The following ATP6V1E1 variants were observed in gnomAD, a reference collection of about 807,000 sequenced individuals.
ATP6V1E1 encodes V-type proton ATPase subunit E 1.
A neutral mutation model predicts 35.2 loss-of-function variants in ATP6V1E1; 21 were observed. That is an observed-to-expected ratio of 0.60 (90% CI 0.42 to 0.86). The LOEUF (loss-of-function observed/expected upper bound fraction) is 0.86, where lower values mean the gene tolerates loss of function less well. Among genes scored for constraint, ATP6V1E1 ranks in the 40% least tolerant of loss-of-function variants. The pLI is 0.00. For synonymous variants in ATP6V1E1, 83 were observed against 87.8 expected, an observed-to-expected ratio of 0.95 and a Z score of 0.30; for missense variants, 183 against 272.6, an observed-to-expected ratio of 0.67 and a Z score of 2.32.
chr22:17,610,500 C>G (rs1158563700), intron 4 of ATP6V1E1, among the ~76,000 whole-genome samples: 1 of 140,718 alleles, frequency 7.1e-6, no homozygotes, highest in African/African-American at 2.7e-5. Flanking sequence ...TATTAACCTT[C>G]AAAAAGGTGG....
At chr22:17,608,671 TCCCACCTTGGC>T (rs941581885) in intron 4 of ATP6V1E1, among the ~76,000 whole-genome samples, 4 of 152,208 alleles carry the variant, frequency 2.6e-5, no homozygotes, top group African/African-American at 9.6e-5. Context: ...CAAGCCACAC[TCCCACCTTGGC>T]CTCATAAAGT....
chr22:17,619,342 G>T, intron 2 of ATP6V1E1, 119 bp downstream of exon 2: 1 of 895,168 alleles, frequency 1.1e-6, no homozygotes, highest in Non-Finnish European at 1.7e-6. Context: ...GGAAGGAAGA[G>T]ACATTTTTAT....
chr22:17,608,051 T>A (rs2057795020), intron 4 of ATP6V1E1, among the ~76,000 whole-genome samples: 1 of 152,192 alleles, frequency 6.6e-6, no homozygotes, highest in African/African-American at 2.4e-5. Flanking sequence ...CTGTATCCTA[T>A]CCCATGACTA....
In ATP6V1E1 at chr22:17,607,373, A is replaced by C. The variant is rs138193265; in HGVS notation, c.276+5439T>G. On this transcript the variant is annotated intron_variant, in intron 4 of 8. Transcript: ENST00000253413. ...GGGTTTCACCATGTTTGCCAGGATG[A>C]TCTCGATCTCCTGACCTCACGATCT... Among the ~76,000 whole-genome samples, 293 of 151,940 alleles carry C rather than the reference A, an allele frequency of 1.9e-3. 1 individual carries two copies. Among genetic ancestry groups the C allele is most frequent in the African/African-American group, 5.9e-3 (245 of 41,446 alleles).
chr22:17,598,424 A>G (rs925434159), intron 6 of ATP6V1E1, 136 bp from the exon 7 acceptor site: 6 of 675,374 alleles, frequency 8.9e-6, no homozygotes, highest in Non-Finnish European at 1.5e-5. Flanking sequence ...GTGGGAATGT[A>G]AAACGGCACG....
chr22:17,608,885 G>A (rs540577848), intron 4 of ATP6V1E1, among the ~76,000 whole-genome samples: 1 of 152,254 alleles, frequency 6.6e-6, no homozygotes, highest in South Asian at 2.1e-4. Context: ...AGGAAATCGA[G>A]ACCATCCTGG....
At chr22:17,628,506 C>T (rs1006076472) in intron 1 of ATP6V1E1, 97 bp downstream of exon 1, 1 of 1,538,884 alleles carries the variant, frequency 6.5e-7, no homozygotes, top group African/African-American at 1.4e-5. Flanking sequence ...CCTGCGGCAT[C>T]TGGGCGGCTC....
intron 2 of ATP6V1E1, among the ~76,000 whole-genome samples, chr22:17,614,264 C>T (rs1285139176): frequency 2.0e-5 from 3 of 150,404 alleles, no homozygotes; most frequent in Non-Finnish European, 3.0e-5. Context: ...GGAGGAGAAT[C>T]GCTTGAACCT....
In ATP6V1E1 at chr22:17,628,713, G is replaced by A. The variant is rs8139009; in HGVS notation, c.-78C>T. The stretch of plus-strand genomic sequence containing the variant: ...GGTGAGGTGAGAGAAATCGGCAAAG[G>A]GAACCCCTGCGCAGATCTCGGGTTC... On this transcript the variant is annotated 5_prime_UTR_variant, in exon 1 of 9. Coordinates refer to ENST00000253413, the MANE Select transcript of ATP6V1E1 (RefSeq NM_001696.4). 7 of 1,589,682 alleles carry A rather than the reference G, an allele frequency of 4.4e-6. No individual in the cohort carries two copies. The East Asian group carries it at 6.7e-5, about 15-fold the overall frequency.
chr22:17,599,638 G>A (rs527557913), intron 6 of ATP6V1E1, among the ~76,000 whole-genome samples: 36 of 148,552 alleles, frequency 2.4e-4, no homozygotes, highest in African/African-American at 4.7e-4. Flanking sequence ...GGGTTTTTAC[G>A]GCCAGGCGCG....
At chr22:17,603,545 G>A (rs974437107) in intron 4 of ATP6V1E1, among the ~76,000 whole-genome samples, 13 of 151,770 alleles carry the variant, frequency 8.6e-5, no homozygotes, top group African/African-American at 3.1e-4. Flanking sequence ...CATGTGCAGT[G>A]GCTCACACCT....
intron 7 of ATP6V1E1, chr22:17,595,206 C>G (rs1337196255): frequency 6.6e-6 from 1 of 152,204 alleles, no homozygotes; most frequent in African/African-American, 2.4e-5. Context: ...TGCCATCACG[C>G]CTGGCTAATT....
rs1224920356 is a variant in ATP6V1E1, at chr22:17,608,112, C to T, written c.276+4700G>A. Among the ~76,000 whole-genome samples the T allele has an allele frequency of 2.6e-5, 4 of 152,160 alleles. No individual in the cohort carries two copies. In the East Asian group the frequency reaches 5.8e-4, roughly 22 times the overall value. ...TGTAGTGGAGATGTATTATCTTGTC[C>T]AGGTCCTATTAGACTGCAGACTCCT... On this transcript the variant is annotated intron_variant, in intron 4 of 8. Transcript: ENST00000253413.
intron 6 of ATP6V1E1, among the ~76,000 whole-genome samples, chr22:17,599,158 G>A (rs568669329): frequency 6.6e-6 from 1 of 152,180 alleles, no homozygotes; most frequent in Admixed American, 6.5e-5. Flanking sequence ...TGAGCACAAA[G>A]TTTCAGTACG....
chr22:17,621,346 G>C (rs2057876456), intron 1 of ATP6V1E1, among the ~76,000 whole-genome samples: 1 of 152,192 alleles, frequency 6.6e-6, no homozygotes, highest in South Asian at 2.1e-4. Context: ...CAGGGTCTCT[G>C]TCTCCCAGGC....
chr22:17,624,002 G>A (rs535763684), intron 1 of ATP6V1E1, among the ~76,000 whole-genome samples: 1 of 152,232 alleles, frequency 6.6e-6, no homozygotes, highest in Non-Finnish European at 1.5e-5. Context: ...CAGTAATTAA[G>A]GTTTTTAGAG....
intron 1 of ATP6V1E1, among the ~76,000 whole-genome samples, chr22:17,628,300 T>C (rs1416844772): frequency 6.6e-6 from 1 of 152,188 alleles, no homozygotes; most frequent in African/African-American, 2.4e-5. Flanking sequence ...CAGATCTCTG[T>C]CCGACTAGGC....
chr22:17,626,168 G>A (rs999713486), intron 1 of ATP6V1E1, among the ~76,000 whole-genome samples: 5 of 151,822 alleles, frequency 3.3e-5, no homozygotes, highest in East Asian at 2.0e-4. Flanking sequence ...TTAGCCAGGC[G>A]TGGTGGCGGG....
At chr22:17,596,025 G>A (rs535890522) in intron 7 of ATP6V1E1, among the ~76,000 whole-genome samples, 3 of 152,110 alleles carry the variant, frequency 2.0e-5, no homozygotes, top group South Asian at 4.2e-4. Flanking sequence ...CCAGCTAATC[G>A]GGAGGCTAAG....
Sources: gnomAD v4.1 joint callset for allele counts (sites outside exome capture counted in the v4.1 genomes callset) on GRCh38, gnomAD v4.1.1 for gene constraint, MANE v1.5 for transcripts, NCBI Gene and HGNC (gene_info 2026-07-23, HGNC 2026-07-21) for gene names.